Variants in EYS observed in about 807,000 individuals in gnomAD.
EYS encodes EGF-like photoreceptor maintenance factor.
EYS carries 250 observed loss-of-function variants against 282.1 expected under a neutral mutation model. The observed-to-expected ratio is 0.89, with a 90% CI of 0.80 to 0.98. The LOEUF (loss-of-function observed/expected upper bound fraction) is 0.98. EYS is among the 50% of genes least tolerant of loss of function. The pLI is 0.00. For missense variants in EYS, 4,016 were observed against 3,709.0 expected (o/e 1.08, Z -2.15); for synonymous variants, 1,355 against 1,282.9 (o/e 1.06, Z -1.20).
intron 13 of EYS, among the ~76,000 whole-genome samples, chr6:65,003,876 T>C (rs969835810): frequency 1.0e-4 from 15 of 147,476 alleles, no homozygotes; most frequent in African/African-American, 3.4e-4. Flanking sequence ...GTTTCTCCTT[T>C]TTATGCCTCA....
At chr6:63,864,011 C>G (rs558764039) in intron 36 of EYS, among the ~76,000 whole-genome samples, 175 bp downstream of exon 36, 1 of 152,222 alleles carries the variant, frequency 6.6e-6, no homozygotes, top group East Asian at 1.9e-4. Flanking sequence ...ATGAGAAGTA[C>G]CTGCTTGGTG....
intron 2 of EYS, among the ~76,000 whole-genome samples, chr6:65,558,887 C>T (rs1345869107): frequency 1.3e-5 from 2 of 152,074 alleles, no homozygotes; most frequent in Non-Finnish European, 2.9e-5. Flanking sequence ...CTCACCATAT[C>T]CTAGTTTCCT....
In EYS at chr6:64,821,723, C is replaced by A. The variant is rs530927367; in HGVS notation, c.3165G>T (p.Arg1055Ser). ...DCLSNPCLHG[R>S]CTELINEYPC... The stretch of plus-strand genomic sequence containing the variant: ...GATATTCATTAATAAGTTCTGTGCA[C>A]CTGAAACACAGAATTAGAATTACAT... The change falls in exon 21 of 43, where the codon AGG becomes AGT. Residue 1055 changes from arginine to serine, a missense_variant and splice_region_variant. Transcript: ENST00000503581. 1.4e-6 allele frequency: 2 copies of A among 1,478,212 alleles called. No individual in the cohort carries two copies. The highest frequency in any genetic ancestry group is 1.8e-6 in the Non-Finnish European group (2 of 1,085,364). The allele number at this position is 1,478,212 out of a possible 1,614,324, so 91.6% of individuals were successfully genotyped here. A position where few individuals can be genotyped will look rare whatever the true frequency, so the allele number is the denominator to read the frequency against.
At chr6:65,112,006 G>A (rs1192210436) in intron 12 of EYS, among the ~76,000 whole-genome samples, 3 of 151,944 alleles carry the variant, frequency 2.0e-5, no homozygotes, top group South Asian at 2.1e-4. Context: ...TTTAACCTCC[G>A]CTTGAGATAT....
intron 29 of EYS, among the ~76,000 whole-genome samples, chr6:64,382,330 G>GT (rs1772774401): frequency 6.6e-6 from 1 of 152,114 alleles, no homozygotes. Context: ...AATCATGAAT[G>GT]TAAGTGTTAA....
intron 22 of EYS, among the ~76,000 whole-genome samples, chr6:64,750,538 A>T (rs1475622471): frequency 6.6e-6 from 1 of 152,166 alleles, no homozygotes; most frequent in Non-Finnish European, 1.5e-5. Context: ...AGAAAAGATA[A>T]GAGCTAAGGT....
chr6:64,993,656 A>T (rs530183864), intron 14 of EYS, among the ~76,000 whole-genome samples: 2 of 151,286 alleles, frequency 1.3e-5, no homozygotes, highest in Non-Finnish European at 3.0e-5. Context: ...CAGCACACCA[A>T]CATGGCACAT....
intron 31 of EYS, among the ~76,000 whole-genome samples, chr6:64,163,296 T>C (rs967157181): frequency 6.6e-6 from 1 of 152,108 alleles, no homozygotes; most frequent in Non-Finnish European, 1.5e-5. Flanking sequence ...AATTATTAGC[T>C]CTTATTTCAA....
At chr6:64,168,113 T>C (rs929429281) in intron 31 of EYS, among the ~76,000 whole-genome samples, 13 of 152,034 alleles carry the variant, frequency 8.6e-5, no homozygotes, top group African/African-American at 2.9e-4. Context: ...ATACAAAAGA[T>C]TAGCCGAGCG....
chr6:63,903,242 G>C (rs973871070), intron 35 of EYS, among the ~76,000 whole-genome samples: 5 of 152,104 alleles, frequency 3.3e-5, no homozygotes, highest in African/African-American at 9.7e-5. Flanking sequence ...CTGAGCTCAT[G>C]AGGAAGAAAA....
chr6:64,340,673 G>A (rs1242740750), intron 29 of EYS, among the ~76,000 whole-genome samples: 1 of 151,638 alleles, frequency 6.6e-6, no homozygotes, highest in African/African-American at 2.4e-5. Flanking sequence ...AGAATTTATG[G>A]CCAAGTCCCC....
At chr6:64,550,366 G>A (rs1406665550) in intron 26 of EYS, among the ~76,000 whole-genome samples, 2 of 151,948 alleles carry the variant, frequency 1.3e-5, no homozygotes, top group African/African-American at 4.8e-5. Flanking sequence ...GTGTAAAAGT[G>A]TTCCTATTTC....
At chr6:64,448,578 C>T (rs1775202897) in intron 26 of EYS, among the ~76,000 whole-genome samples, 1 of 152,182 alleles carries the variant, frequency 6.6e-6, no homozygotes, top group African/African-American at 2.4e-5. Flanking sequence ...TCCCTGACCC[C>T]CAAGTAGCCT....
intron 40 of EYS, among the ~76,000 whole-genome samples, chr6:63,763,078 C>T (rs151100020): frequency 2.0e-5 from 3 of 152,148 alleles, no homozygotes; most frequent in African/African-American, 7.2e-5. Context: ...GCCAAAAGAG[C>T]TGCAAACATA....
At chr6:64,246,230 G>A (rs1431519865) in intron 30 of EYS, among the ~76,000 whole-genome samples, 1 of 148,658 alleles carries the variant, frequency 6.7e-6, no homozygotes, top group African/African-American at 2.5e-5. Context: ...CTGTTTTATC[G>A]GCTGTAAGAA....
intron 2 of EYS, among the ~76,000 whole-genome samples, chr6:65,520,902 G>T (rs1767343894): frequency 6.6e-6 from 1 of 151,920 alleles, no homozygotes; most frequent in Non-Finnish European, 1.5e-5. Context: ...ATATTTCTTT[G>T]CAATTGGAGA....
At chr6:65,198,708 T>C (rs1208309112) in intron 12 of EYS, among the ~76,000 whole-genome samples, 4 of 152,138 alleles carry the variant, frequency 2.6e-5, no homozygotes, top group African/African-American at 9.7e-5. Flanking sequence ...TGACTACTCT[T>C]TGAAAAATGT....
At chr6:65,526,641 T>A (rs1229839187) in intron 2 of EYS, among the ~76,000 whole-genome samples, 1 of 151,838 alleles carries the variant, frequency 6.6e-6, no homozygotes, top group African/African-American at 2.4e-5. Flanking sequence ...CCGTCTCTAC[T>A]AAAAAATACA....
Position 65,192,946 on chromosome 6 carries a change from T to C in EYS, c.2023+102917A>G, listed in dbSNP as rs73741256. On this transcript the variant is annotated intron_variant, in intron 12 of 42. Coordinates refer to ENST00000503581, the MANE Select transcript of EYS (RefSeq NM_001142800.2). ...GTTAACTCCACTCTTCAAGCTATTT[T>C]AATATATAAAATGCATTGTTAACTA... is the stretch of plus-strand genomic sequence containing the variant. 2.7e-3 allele frequency among the ~76,000 whole-genome samples: 408 copies of C among 152,020 alleles called. 6 individuals carry two copies. Among genetic ancestry groups the C allele is most frequent in the Middle Eastern group, 0.01 (3 of 294 alleles).
Sources: allele counts gnomAD v4.1 joint callset (sites outside exome capture counted in the v4.1 genomes callset), GRCh38; gene constraint gnomAD v4.1.1; transcripts MANE v1.5; gene names NCBI Gene and HGNC (gene_info 2026-07-23, HGNC 2026-07-21).